CHST9: variants seen among roughly 807,000 people sequenced by gnomAD.
CHST9 encodes carbohydrate sulfotransferase 9, also known as GalNAc-4-sulfotransferase 2.
Under a neutral mutation model 44.4 loss-of-function variants are expected in CHST9, and 41 were observed. That is an observed-to-expected ratio of 0.92 (90% CI 0.72 to 1.20). The LOEUF (loss-of-function observed/expected upper bound fraction) is 1.20. Ranked by LOEUF, CHST9 falls within the 50% of genes most tolerant of loss-of-function variation. CHST9 has a pLI of 0.00. For synonymous variants in CHST9, 171 were observed against 178.4 expected, an observed-to-expected ratio of 0.96 and a Z score of 0.33; for missense variants, 504 against 516.5, an observed-to-expected ratio of 0.98 and a Z score of 0.23.
rs1359452707 is a variant in CHST9, at chr18:26,908,789, T to A, written c.*7470A>T. 1 of 152,172 alleles carries A rather than the reference T, an allele frequency of 6.6e-6. No homozygotes were observed. The highest frequency in any genetic ancestry group is 1.5e-5 in the Non-Finnish European group (1 of 68,022). 9.4% of individuals were successfully genotyped at this position (152,172 alleles called of 1,614,324 possible). A position where few individuals can be genotyped will look rare whatever the true frequency, so the allele number is the denominator to read the frequency against. On this transcript the variant is annotated 3_prime_UTR_variant, in exon 6 of 6. Coordinates refer to ENST00000618847, the MANE Select transcript of CHST9 (RefSeq NM_031422.6). ...AAAAGAGACAAATCCTTTAATGAAG[T>A]TCAAGAAAATATACATTATAACCAT...
At chr18:26,953,183 G>A (rs1271142024) in intron 4 of CHST9, among the ~76,000 whole-genome samples, 1 of 152,150 alleles carries the variant, frequency 6.6e-6, no homozygotes. Flanking sequence ...GATATGGTGA[G>A]TTTAAGAACT....
At chr18:27,091,307 C>T (rs988147892) in intron 2 of CHST9, among the ~76,000 whole-genome samples, 2 of 152,156 alleles carry the variant, frequency 1.3e-5, no homozygotes, top group Non-Finnish European at 2.9e-5. Context: ...TATCCTGAGA[C>T]TTTGCTGAAG....
intron 4 of CHST9, among the ~76,000 whole-genome samples, chr18:26,969,937 T>C (rs1446244192): frequency 6.6e-6 from 1 of 152,222 alleles, no homozygotes; most frequent in Non-Finnish European, 1.5e-5. Context: ...GTCAGTGTTA[T>C]CATTACATTT....
At chr18:27,055,473 T>C (rs536696866) in intron 2 of CHST9, among the ~76,000 whole-genome samples, 1 of 152,322 alleles carries the variant, frequency 6.6e-6, no homozygotes, top group South Asian at 2.1e-4. Flanking sequence ...ATGCTTCAAA[T>C]GCTTCCTTTA....
intron 1 of CHST9, among the ~76,000 whole-genome samples, chr18:27,152,156 A>G (rs763240909): frequency 2.0e-5 from 3 of 152,184 alleles, no homozygotes; most frequent in Non-Finnish European, 4.4e-5. Flanking sequence ...GTGCTTCCTT[A>G]TACATCTTGT....
intron 4 of CHST9, among the ~76,000 whole-genome samples, chr18:26,955,784 G>A (rs1274923301): frequency 6.6e-6 from 1 of 152,114 alleles, no homozygotes; most frequent in African/African-American, 2.4e-5. Flanking sequence ...TACAACTCAG[G>A]AAAGAAGGCA....
chr18:26,928,527 A>G (rs532686461), intron 5 of CHST9: 51 of 152,336 alleles, frequency 3.3e-4, no homozygotes, highest in African/African-American at 1.2e-3. Context: ...GGCTCCCTAG[A>G]ATCAGACCTT....
chr18:27,126,018 A>G (rs927420573), intron 2 of CHST9, among the ~76,000 whole-genome samples: 1 of 152,252 alleles, frequency 6.6e-6, no homozygotes, highest in Admixed American at 6.5e-5. Context: ...AAACAAAATT[A>G]TATTACACAA....
intron 4 of CHST9, among the ~76,000 whole-genome samples, chr18:26,945,092 C>A (rs917763336): frequency 6.6e-6 from 1 of 151,896 alleles, no homozygotes; most frequent in African/African-American, 2.4e-5. Context: ...AAAAAACAAA[C>A]CATGAGAAAA....
chr18:27,117,020 T>A (rs1247151441), intron 2 of CHST9, among the ~76,000 whole-genome samples: 1 of 152,018 alleles, frequency 6.6e-6, no homozygotes. Flanking sequence ...TTTCAAGAGA[T>A]AGTTTCTCCT....
intron 4 of CHST9, among the ~76,000 whole-genome samples, chr18:26,946,784 C>T (rs1204745080): frequency 1.3e-5 from 2 of 150,616 alleles, no homozygotes; most frequent in African/African-American, 4.9e-5. Flanking sequence ...AAATCCTTTC[C>T]CCATTGCTTG....
At chr18:27,157,196 A>AT (rs1268236539) in intron 1 of CHST9, among the ~76,000 whole-genome samples, 1 of 151,966 alleles carries the variant, frequency 6.6e-6, no homozygotes, top group Non-Finnish European at 1.5e-5. Context: ...TGGAAGATTG[A>AT]TTTTTTTCCT....
intron 4 of CHST9, among the ~76,000 whole-genome samples, chr18:27,000,622 GTCTATCTATCTATCTA>G (rs6146241): frequency 3.4e-5 from 5 of 147,490 alleles, no homozygotes; most frequent in African/African-American, 9.9e-5. Flanking sequence ...TATTTGTTTT[GTCTATCTATCTATCTA>G]TCTATCTATC....
At chr18:26,997,405 G>T (rs2056898934) in intron 4 of CHST9, among the ~76,000 whole-genome samples, 1 of 152,196 alleles carries the variant, frequency 6.6e-6, no homozygotes, top group African/African-American at 2.4e-5. Context: ...TAAGCCATCT[G>T]TGGGGGTTTG....
chr18:27,139,892 T>A lies in CHST9; in HGVS notation c.121+2797A>T, dbSNP rs910868917. 3.9e-5 allele frequency among the ~76,000 whole-genome samples: 6 copies of A among 152,212 alleles called. No homozygotes were observed. In the East Asian group the frequency reaches 1.2e-3, roughly 29 times the overall value. On this transcript the variant is annotated intron_variant, in intron 2 of 5. Coordinates refer to ENST00000618847, the MANE Select transcript of CHST9 (RefSeq NM_031422.6). ...GTAGAAGAAGTTACACATCTGTATG[T>A]CATTTAATTTACCAATTTCAGTGAT... is the stretch of plus-strand genomic sequence containing the variant.
intron 1 of CHST9, among the ~76,000 whole-genome samples, chr18:27,160,172 A>G (rs2058734245): frequency 6.6e-6 from 1 of 152,206 alleles, no homozygotes; most frequent in Non-Finnish European, 1.5e-5. Flanking sequence ...GAGAGAGGGC[A>G]TCCCTGTCTT....
At chr18:27,046,850 C>T (rs1245222814) in intron 3 of CHST9, among the ~76,000 whole-genome samples, 1 of 152,004 alleles carries the variant, frequency 6.6e-6, no homozygotes, top group Non-Finnish European at 1.5e-5. Flanking sequence ...AGAAATCAGG[C>T]AATTGACAAG....
chr18:27,011,606 AT>A (rs1403184782), intron 4 of CHST9, among the ~76,000 whole-genome samples: 1 of 152,228 alleles, frequency 6.6e-6, no homozygotes, highest in Non-Finnish European at 1.5e-5. Context: ...ACGGGTGGAA[AT>A]TGAAAAGGGG....
At chr18:27,147,074 A>AT (rs2058618417) in intron 1 of CHST9, among the ~76,000 whole-genome samples, 1 of 151,612 alleles carries the variant, frequency 6.6e-6, no homozygotes, top group Non-Finnish European at 1.5e-5. Flanking sequence ...TTTTATTTTT[A>AT]TTTTTTTGAG....
Sources: gnomAD v4.1 joint callset for allele counts (sites outside exome capture counted in the v4.1 genomes callset) on GRCh38, gnomAD v4.1.1 for gene constraint, MANE v1.5 for transcripts, NCBI Gene and HGNC (gene_info 2026-07-23, HGNC 2026-07-21) for gene names.